Variants in PRSS48 observed in about 807,000 individuals in gnomAD.
The protein encoded by PRSS48 is epidermis-specific serine protease-like protein.
In PRSS48, 21 loss-of-function variants were observed where a neutral mutation model predicts 25.6. That is an observed-to-expected ratio of 0.82 (90% CI 0.58 to 1.18). PRSS48 has a LOEUF of 1.18. Among genes scored for constraint, PRSS48 ranks in the 50% most tolerant of loss-of-function variants. The probability of loss-of-function intolerance (pLI) is 0.00; values close to 1 mark genes in which losing one functional copy is unlikely to be tolerated. For missense variants in PRSS48, 373 were observed against 399.3 expected (o/e 0.93, Z 0.56); for synonymous variants, 150 against 149.3 (o/e 1.00, Z -0.04).
intron 1 of PRSS48, among the ~76,000 whole-genome samples, chr4:151,278,130 C>T (rs1208313227): frequency 6.6e-6 from 1 of 152,172 alleles, no homozygotes; most frequent in African/African-American, 2.4e-5. Context: ...AATGCCAATT[C>T]AGTTAAACCA....
chr4:151,279,904 G>A, exon 2 of PRSS48: 1 of 1,613,748 alleles, frequency 6.2e-7, no homozygotes. Flanking sequence ...TTTATCTGTG[G>A]AGGTTCCCTC....
intron 4 of PRSS48, among the ~76,000 whole-genome samples, chr4:151,287,933 G>A (rs975252689): frequency 6.6e-6 from 1 of 152,100 alleles, no homozygotes; most frequent in African/African-American, 2.4e-5. Context: ...ATAAACAACT[G>A]GGATTTATCC....
At chr4:151,283,048 T>A in intron 3 of PRSS48, 69 bp from the exon 4 acceptor site, 1 of 1,460,386 alleles carries the variant, frequency 6.8e-7, no homozygotes, top group Non-Finnish European at 9.5e-7. Flanking sequence ...CTTCTGCACA[T>A]CATGACTGAA....
exon 1 of PRSS48, chr4:151,277,171 A>T (rs750917290): frequency 2.7e-6 from 4 of 1,479,460 alleles, no homozygotes; most frequent in Non-Finnish European, 3.6e-6. Flanking sequence ...GAGGACAGAG[A>T]CATGGGCCCT....
rs568726742 is a variant in PRSS48 at position 151,284,693 on chromosome 4, G to A, written c.651+1407G>A. Among the ~76,000 whole-genome samples, 6 of 152,272 alleles carry A rather than the reference G, an allele frequency of 3.9e-5. No individual in the cohort carries two copies. In the East Asian group the frequency reaches 1.2e-3, roughly 29 times the overall value. On this transcript the variant is annotated intron_variant, in intron 4 of 4. Coordinates refer to ENST00000455694, the Ensembl canonical transcript of PRSS48. ...CATTTTGGAATATATCCTGGACAAT[G>A]TCAATAGCATGGTGTAGGGAGTACA...
Position 151,279,976 on chromosome 4 carries a change from G to A in PRSS48, c.215+18G>A. 7.3e-7 allele frequency: 1 copy of A among 1,369,114 alleles called. No homozygotes were observed. Among genetic ancestry groups the A allele is most frequent in the Non-Finnish European group, 9.7e-7 (1 of 1,032,830 alleles). 84.8% of individuals were successfully genotyped at this position (1,369,114 alleles called of 1,614,324 possible). ...ATACAACCGTGAGTTCTAGCTGGCA[G>A]CTAACACACAGACAGGTTCTCAGTG... On this transcript the variant is annotated intron_variant, in intron 2 of 4. Transcript: ENST00000455694.
intron 4 of PRSS48, among the ~76,000 whole-genome samples, chr4:151,283,897 T>C (rs1457579014): frequency 6.6e-6 from 1 of 152,182 alleles, no homozygotes; most frequent in Non-Finnish European, 1.5e-5. Context: ...AAAGATGTCG[T>C]TCTATTGTCT....
exon 5 of PRSS48, chr4:151,291,215 G>A (rs749050503): frequency 6.2e-7 from 1 of 1,612,916 alleles, no homozygotes; most frequent in Admixed American, 1.7e-5. Flanking sequence ...TCTCTTCCTG[G>A]AGTCTACACC....
Position 151,291,170 on chromosome 4 carries a change from C to G in PRSS48, c.704C>G (p.Thr235Arg), listed in dbSNP as rs750560511. Residue 235 changes from threonine (T) to arginine (R), a missense_variant, in exon 5 of 5, where the codon ACA becomes AGA. By Grantham distance (71) the Thr-to-Arg change is moderately conservative. Transcript: ENST00000455694. ...CACATTGATGGTGTATGGATCCAGA[C>G]AGGAGTAGTAAGCTGGGGATTAGAA... 7.4e-6 allele frequency: 12 copies of G among 1,613,844 alleles called. No homozygotes were observed. The South Asian group carries it at 1.3e-4, about 18-fold the overall frequency.
At chr4:151,279,754 G>T in intron 1 of PRSS48, 42 bp from the exon 2 acceptor site, 1 of 1,588,806 alleles carries the variant, frequency 6.3e-7, no homozygotes, top group East Asian at 2.2e-5. Flanking sequence ...AGAGAAACAG[G>T]ACTCCTAGGT....
At chr4:151,291,552 T>A (rs13102005), downstream of PRSS48, 315,295 of 774,128 alleles carry the variant, frequency 0.41, 66,435 homozygotes, top group Admixed American at 0.44. Flanking sequence ...GGGGTTGGAA[T>A]GTGAAGAGTT....
Position 151,285,027 on chromosome 4 carries a change from A to G in PRSS48, c.651+1741A>G, listed in dbSNP as rs1774612456. Among the ~76,000 whole-genome samples, 3 of 152,060 alleles carry G rather than the reference A, an allele frequency of 2.0e-5. No individual in the cohort carries two copies. The South Asian group carries it at 6.2e-4, about 32-fold the overall frequency. ...TCCTCTAATTCCTCAAGTCAGTAAG[A>G]CTGTGGGTTTCTTTTACCAGCCACT... is the stretch of plus-strand genomic sequence containing the variant. On this transcript the variant is annotated intron_variant, in intron 4 of 4. Coordinates refer to ENST00000455694, the Ensembl canonical transcript of PRSS48.
At chr4:151,280,449 C>T (rs1774104310) in intron 2 of PRSS48, among the ~76,000 whole-genome samples, 1 of 152,212 alleles carries the variant, frequency 6.6e-6, no homozygotes. Flanking sequence ...ATTGCAGCCA[C>T]ATGAGAAACC....
chr4:151,283,493 C>T (rs1012841419), intron 4 of PRSS48, among the ~76,000 whole-genome samples: 1 of 148,046 alleles, frequency 6.8e-6, no homozygotes, highest in South Asian at 2.2e-4. Flanking sequence ...CCAATACTAA[C>T]GACTGGTCAT....
intron 4 of PRSS48, among the ~76,000 whole-genome samples, chr4:151,283,639 G>A (rs1198421017): frequency 6.6e-6 from 1 of 150,524 alleles, no homozygotes; most frequent in Non-Finnish European, 1.5e-5. Flanking sequence ...TCCCACTTCA[G>A]CCTCCTGAGT....
At chr4:151,282,454 C>T (rs1477203225) in intron 3 of PRSS48, 41 bp downstream of exon 3, 4 of 1,601,928 alleles carry the variant, frequency 2.5e-6, no homozygotes, top group Non-Finnish European at 1.7e-6. Flanking sequence ...ATATGTCATC[C>T]TCTTGTACTC....
At chr4:151,279,062 C>A (rs1773922323) in intron 1 of PRSS48, 1 of 396,390 alleles carries the variant, frequency 2.5e-6, no homozygotes, top group Non-Finnish European at 4.8e-6. Context: ...TCAGTATCCA[C>A]CTCTCACTGA....
chr4:151,282,535 G>T, intron 3 of PRSS48, 122 bp downstream of exon 3: 3 of 931,352 alleles, frequency 3.2e-6, no homozygotes, highest in South Asian at 3.6e-5. Context: ...TCAATCTAAT[G>T]ATATTATCTA....
intron 4 of PRSS48, among the ~76,000 whole-genome samples, chr4:151,290,286 G>A (rs1019657316): frequency 1.6e-4 from 24 of 152,146 alleles, no homozygotes; most frequent in African/African-American, 5.8e-4. Context: ...AATAATGGAA[G>A]CAATCACAAT....
Sources: gnomAD v4.1 joint callset for allele counts (sites outside exome capture counted in the v4.1 genomes callset) on GRCh38, gnomAD v4.1.1 for gene constraint, MANE v1.5 for transcripts, NCBI Gene and HGNC (gene_info 2026-07-23, HGNC 2026-07-21) for gene names.